TARBP1: variants seen among roughly 807,000 people sequenced by gnomAD.
The protein encoded by TARBP1 is tRNA (guanosine(18)-2'-O)-methyltransferase TARBP1.
Under a neutral mutation model 178.6 loss-of-function variants are expected in TARBP1, and 144 were observed. The observed-to-expected ratio is 0.81, with a 90% CI of 0.70 to 0.93. The LOEUF is 0.93. Among genes scored for constraint, TARBP1 ranks in the 40% least tolerant of loss-of-function variants. The pLI is 0.00. For synonymous variants in TARBP1, 787 were observed against 781.0 expected (o/e 1.01, Z -0.13); for missense variants, 2,067 against 2,011.7 (o/e 1.03, Z -0.53).
At chr1:234,452,630 G>T (rs746744067) in intron 9 of TARBP1, among the ~76,000 whole-genome samples, 13 of 152,184 alleles carry the variant, frequency 8.5e-5, no homozygotes, top group Non-Finnish European at 1.5e-4. Context: ...ATGCAAAATA[G>T]TATGGTTCGA....
chr1:234,433,617 A>G, intron 13 of TARBP1, 46 bp from the exon 14 acceptor site: 1 of 1,549,836 alleles, frequency 6.5e-7, no homozygotes, highest in Non-Finnish European at 8.7e-7. Flanking sequence ...AAGGTCCATG[A>G]TTTTCACAAA....
At chr1:234,447,821 A>C (rs534835541) in intron 11 of TARBP1, among the ~76,000 whole-genome samples, 18 of 152,324 alleles carry the variant, frequency 1.2e-4, no homozygotes, top group African/African-American at 3.8e-4. Context: ...GTATTTTACA[A>C]AGGAGTCAAA....
At chr1:234,445,920 T>C (rs937961457) in intron 12 of TARBP1, among the ~76,000 whole-genome samples, 1 of 152,200 alleles carries the variant, frequency 6.6e-6, no homozygotes, top group African/African-American at 2.4e-5. Context: ...CTGAAAGCAC[T>C]GAGCATAGGA....
intron 2 of TARBP1, 55 bp from the exon 3 acceptor site, chr1:234,471,312 CA>C: frequency 8.3e-7 from 1 of 1,201,890 alleles, no homozygotes; most frequent in Non-Finnish European, 1.2e-6. Context: ...TGAAAAATGT[CA>C]GGCAATTTTC....
chr1:234,477,046 A>G (rs57682976), intron 1 of TARBP1, among the ~76,000 whole-genome samples: 15,353 of 152,260 alleles, frequency 0.1, 1,157 homozygotes, highest in African/African-American at 0.21. Context: ...TTAGTGGGGC[A>G]TGGTGGCGCA....
intron 21 of TARBP1, among the ~76,000 whole-genome samples, chr1:234,418,571 G>A (rs1160997686): frequency 6.6e-6 from 1 of 152,218 alleles, no homozygotes; most frequent in Non-Finnish European, 1.5e-5. Context: ...ATCAAGATCT[G>A]CCAAGATGCC....
chr1:234,404,158 C>T (rs1388222782), intron 24 of TARBP1, among the ~76,000 whole-genome samples: 1 of 152,186 alleles, frequency 6.6e-6, no homozygotes, highest in Non-Finnish European at 1.5e-5. Flanking sequence ...CAACCAGGAT[C>T]GAAATGTCTC....
At chr1:234,475,594 T>C (rs1306943589) in intron 1 of TARBP1, among the ~76,000 whole-genome samples, 1 of 152,288 alleles carries the variant, frequency 6.6e-6, no homozygotes, top group African/African-American at 2.4e-5. Flanking sequence ...CACCCCTAAG[T>C]TGGAGGCAAC....
chr1:234,394,655 A>G (rs988277039), intron 26 of TARBP1, among the ~76,000 whole-genome samples: 9 of 152,256 alleles, frequency 5.9e-5, no homozygotes, highest in Admixed American at 6.5e-5. Context: ...TGCAAAGCAG[A>G]CAGTAGATAC....
chr1:234,430,856 GCTA>G (rs916702639), intron 14 of TARBP1, among the ~76,000 whole-genome samples: 15 of 152,324 alleles, frequency 9.8e-5, no homozygotes, highest in African/African-American at 3.4e-4. Flanking sequence ...CTAGCTCTGT[GCTA>G]CTACCAGTAT....
intron 14 of TARBP1, among the ~76,000 whole-genome samples, 197 bp from the exon 15 acceptor site, chr1:234,430,498 T>C: frequency 6.6e-6 from 1 of 152,214 alleles, no homozygotes; most frequent in East Asian, 1.9e-4. Context: ...CAGTGAACAA[T>C]TTTAAAGTAG....
At chr1:234,405,864 A>C in intron 24 of TARBP1, 39 bp downstream of exon 24, 1 of 1,577,796 alleles carries the variant, frequency 6.3e-7, no homozygotes, top group Non-Finnish European at 8.7e-7. Context: ...GCCCTGCTGG[A>C]GGAGAGTGAG....
intron 24 of TARBP1, among the ~76,000 whole-genome samples, chr1:234,402,787 T>C (rs963123480): frequency 2.0e-5 from 3 of 152,132 alleles, no homozygotes; most frequent in Non-Finnish European, 2.9e-5. Context: ...GGTTTTGCCA[T>C]GTTGCCCAGG....
At position 234,460,440 on chromosome 1, in the gene TARBP1, A is replaced by G. The variant is rs1487277414; in HGVS notation, c.1400-44T>C. ...AATTATCATTGTTGCCAATTAGCAC[A>G]TGAAAAGAAGCTCAATACCATTAGG... On this transcript the variant is annotated intron_variant, in intron 6 of 29. Transcript: ENST00000040877. The G allele has an allele frequency of 5.6e-6, 9 of 1,604,978 alleles. No individual in the cohort carries two copies. In the Admixed American group the frequency reaches 1.0e-4, roughly 18 times the overall value.
chr1:234,463,474 G>A (rs1668114287), intron 6 of TARBP1, among the ~76,000 whole-genome samples: 1 of 152,058 alleles, frequency 6.6e-6, no homozygotes, highest in African/African-American at 2.4e-5. Context: ...GGGACAACTT[G>A]CCACAATGAG....
chr1:234,465,754 AAATACAATT>A, intron 4 of TARBP1, 46 bp from the exon 5 acceptor site: 1 of 1,512,304 alleles, frequency 6.6e-7, no homozygotes, highest in Non-Finnish European at 8.8e-7. Flanking sequence ...ACTTAGTTGT[AAATACAATT>A]TTGAAGTCAG....
intron 13 of TARBP1, 62 bp from the exon 14 acceptor site, chr1:234,433,633 A>C (rs1664704890): frequency 6.7e-7 from 1 of 1,491,102 alleles, no homozygotes; most frequent in South Asian, 1.3e-5. Flanking sequence ...ACAAAACTAC[A>C]AGCCTTCAGG....
chr1:234,478,202 T>C lies in TARBP1; in HGVS notation c.902A>G (p.Asp301Gly), dbSNP rs770335464. 2.5e-6 allele frequency: 4 copies of C among 1,611,568 alleles called. No individual in the cohort carries two copies. In the African/African-American group the frequency reaches 5.3e-5, roughly 22 times the overall value. Residue 301 changes from aspartate to glycine, a missense_variant, in exon 1 of 30, where the codon GAC becomes GGC. By Grantham distance (94) the Asp-to-Gly change is moderately conservative. Transcript: ENST00000040877. ...TCCTTCCTGGGGCCCGCAGGTGCAG[T>C]CGGCCCCCAGCTCCGCCGACACCTC... Reference protein sequence around the residue: ...AVEVSAELGADCTCGPQEGNG... With the variant: ...AVEVSAELGAGCTCGPQEGNG...
chr1:234,393,270 T>C (rs1451644748), intron 28 of TARBP1, 92 bp downstream of exon 28: 6 of 1,287,376 alleles, frequency 4.7e-6, no homozygotes, highest in South Asian at 2.9e-5. Flanking sequence ...TTTTTACAAA[T>C]ACAAACTTTT....
Sources: gnomAD v4.1 joint callset for allele counts (sites outside exome capture counted in the v4.1 genomes callset) on GRCh38, gnomAD v4.1.1 for gene constraint, MANE v1.5 for transcripts, NCBI Gene and HGNC (gene_info 2026-07-23, HGNC 2026-07-21) for gene names.